Variants in ADAR observed in about 807,000 individuals in gnomAD.
ADAR encodes double-stranded RNA-specific adenosine deaminase.
In ADAR, 41 loss-of-function variants were observed where a neutral mutation model predicts 113.2. The ratio of observed to expected loss-of-function variants is 0.36; its 90% CI spans 0.28 to 0.47. The LOEUF (loss-of-function observed/expected upper bound fraction) is 0.47. Ranked by LOEUF, ADAR falls within the 20% of genes least tolerant of loss-of-function variation. The pLI is 1.00. For synonymous variants in ADAR, 605 were observed against 572.6 expected (o/e 1.06, Z -0.81); for missense variants, 1,242 against 1,540.9 (o/e 0.81, Z 3.25).
intron 12 of ADAR, 152 bp downstream of exon 12, chr1:154,586,029 A>G: frequency 8.3e-7 from 1 of 1,211,020 alleles, no homozygotes; most frequent in South Asian, 1.3e-5. Flanking sequence ...GGATCTTCCT[A>G]CCACAGCAGA....
At position 154,616,334 on chromosome 1, in the gene ADAR, T is replaced by C. The variant is rs181991032; in HGVS notation, c.-871+11521A>G. ...GATGGCTCCAAAGCCTTACGTGGCC[T>C]AGCCCTGCCATCCTTCTCCCTTCTG... On this transcript the variant is annotated intron_variant, in intron 1 of 14. Coordinates refer to the ADAR transcript ENST00000368471. Among the ~76,000 whole-genome samples, 501 of 152,332 alleles carry C rather than the reference T, an allele frequency of 3.3e-3. 1 individual carries two copies. The highest frequency in any genetic ancestry group is 0.011 in the African/African-American group (464 of 41,572).
At chr1:154,598,044 G>T in intron 3 of ADAR, 68 bp from the exon 4 acceptor site, 2 of 1,539,168 alleles carry the variant, frequency 1.3e-6, no homozygotes, top group Non-Finnish European at 1.8e-6. Flanking sequence ...CACAGAAGAA[G>T]GGATGGGGAT....
In ADAR at chr1:154,602,065, G is replaced by T. The variant is rs145588689; in HGVS notation, c.577C>A (p.Pro193Thr). ...GTGGAGACCGCGATTTTCCACAAAG[G>T]GGGTGTTCCTGCCTCTTTCTGTAGC... is the stretch of plus-strand genomic sequence containing the variant. ...GKLQKEAGTP[P>T]LWKIAVSTQA... Residue 193 changes from proline (P) to threonine (T), a missense_variant, in exon 2 of 15, where the codon CCT becomes ACT. This residue lies in a region of ADAR where 462 missense variants were observed against 483.1 expected (regional missense o/e 0.96). Coordinates refer to ENST00000368474, the MANE Select transcript of ADAR (RefSeq NM_001111.5). 3 of 1,614,058 alleles carry T rather than the reference G, an allele frequency of 1.9e-6. No homozygotes were observed. Among genetic ancestry groups the T allele is most frequent in the Non-Finnish European group, 2.5e-6 (3 of 1,180,024 alleles).
intron 2 of ADAR, chr1:154,600,580 TCTC>T (rs538304104): frequency 4.1e-5 from 9 of 217,152 alleles, no homozygotes; most frequent in African/African-American, 1.6e-4. Flanking sequence ...TTCAAGTGAT[TCTC>T]CTGTCTCAGC....
chr1:154,595,683 G>C (rs1012731473), intron 6 of ADAR, among the ~76,000 whole-genome samples: 7 of 152,022 alleles, frequency 4.6e-5, no homozygotes, highest in African/African-American at 1.7e-4. Context: ...AAGTAAAAAA[G>C]TTACAGTAAG....
chr1:154,587,609 C>T (rs766824781), intron 11 of ADAR, among the ~76,000 whole-genome samples: 104 of 152,178 alleles, frequency 6.8e-4, no homozygotes, highest in African/African-American at 2.3e-3. Context: ...GTGGCCTGAA[C>T]GCAATGGAGT....
chr1:154,590,470 G>C, intron 6 of ADAR, 61 bp from the exon 7 acceptor site: 2 of 1,551,784 alleles, frequency 1.3e-6, no homozygotes, highest in African/African-American at 1.4e-5. Context: ...TTCCAAGGAA[G>C]GGTTAGTTTT....
chr1:154,610,576 C>A (rs1453286982), upstream of ADAR, among the ~76,000 whole-genome samples: 1 of 151,952 alleles, frequency 6.6e-6, no homozygotes. Context: ...TTTGGGAGGC[C>A]GAGGTGGGCG....
chr1:154,601,618 C>A lies in ADAR; in HGVS notation c.1024G>T (p.Asp342Tyr), dbSNP rs750785381. 1.9e-6 allele frequency: 3 copies of A among 1,613,216 alleles called. No individual in the cohort carries two copies. In the Admixed American group the frequency reaches 5.0e-5, roughly 27 times the overall value. ...AVLIDMERQGDVYRQGTTPPI... is the reference protein window; with the variant it reads ...AVLIDMERQGYVYRQGTTPPI... Reference sequence around the variant, plus strand: ...GGGGTTGTCCCTTGTCTATAGACATCCCCCTGCCTTTCCATGTCAATTAGC... The same window carrying A: ...GGGGTTGTCCCTTGTCTATAGACATACCCCTGCCTTTCCATGTCAATTAGC... The change falls in exon 2 of 15, where the codon GAT becomes TAT. Residue 342 changes from aspartate to tyrosine, a missense_variant. Physicochemically the swap from Asp to Tyr is radical, Grantham distance 160. Around this residue, in one of 2 missense-constraint regions of ADAR, gnomAD observed 462 missense variants for 483.1 expected, o/e 0.96. Coordinates refer to ENST00000368474, the MANE Select transcript of ADAR (RefSeq NM_001111.5). This position sits in a 1 kb window ranked among gnomAD's most constrained non-coding sequence, Gnocchi z 4.7.
At chr1:154,606,118 T>C (rs1557893933) in intron 1 of ADAR, 1 of 191,634 alleles carries the variant, frequency 5.2e-6, no homozygotes, top group African/African-American at 2.4e-5. Context: ...CTCAGCTCAC[T>C]GCAATCTCCG....
At chr1:154,585,165 T>C in intron 14 of ADAR, 52 bp downstream of exon 14, 1 of 1,614,066 alleles carries the variant, frequency 6.2e-7, no homozygotes, top group Non-Finnish European at 8.5e-7. Context: ...TGATGCACCC[T>C]TGCAAGTCAG....
intron 6 of ADAR, among the ~76,000 whole-genome samples, chr1:154,594,188 A>G (rs1697345996): frequency 6.6e-6 from 1 of 152,124 alleles, no homozygotes; most frequent in Non-Finnish European, 1.5e-5. Flanking sequence ...GGCTGACATT[A>G]CTTCTATTAA....
intron 1 of ADAR, among the ~76,000 whole-genome samples, chr1:154,621,969 C>T (rs190716340): frequency 5.3e-5 from 8 of 152,144 alleles, no homozygotes; most frequent in Admixed American, 3.3e-4. Flanking sequence ...TCCCTTTCTT[C>T]ATGTGTTGAG....
intron 1 of ADAR, among the ~76,000 whole-genome samples, chr1:154,622,770 C>T (rs897086831): frequency 6.6e-6 from 1 of 152,206 alleles, no homozygotes; most frequent in Admixed American, 6.5e-5. Context: ...GAATGTTCAT[C>T]AACATAATGC....
At chr1:154,593,430 C>T (rs1450530834) in intron 6 of ADAR, among the ~76,000 whole-genome samples, 1 of 152,188 alleles carries the variant, frequency 6.6e-6, no homozygotes. Context: ...ATGTCTGCTA[C>T]ACACTCAGGG....
At chr1:154,621,540 A>G (rs967214688) in intron 1 of ADAR, among the ~76,000 whole-genome samples, 3 of 152,348 alleles carry the variant, frequency 2.0e-5, no homozygotes, top group East Asian at 3.8e-4. Flanking sequence ...CTTAAACACA[A>G]TAAGTGAATA....
chr1:154,600,018 C>A (rs1211452885), intron 2 of ADAR, among the ~76,000 whole-genome samples: 6 of 152,176 alleles, frequency 3.9e-5, no homozygotes, highest in Non-Finnish European at 7.4e-5. Context: ...ATGCAGCCTG[C>A]CCCAACCCAC....
rs912226795 is a variant in ADAR, at chr1:154,606,029, G to A, written c.15+1963C>T. On this transcript the variant is annotated intron_variant, in intron 1 of 14. Transcript: ENST00000368474. ...ACGGTTATTTTTTTTCTTGTGAGAC[G>A]GAGTCTCGCTCTGTTGCCAAGCTGG... 15 of 848,630 alleles carry A rather than the reference G, an allele frequency of 1.8e-5. No homozygotes were observed. In the Admixed American group the frequency reaches 2.5e-4, roughly 14 times the overall value. 52.6% of individuals were successfully genotyped at this position (848,630 alleles called of 1,614,324 possible).
chr1:154,605,143 T>C (rs1698109056), intron 1 of ADAR, among the ~76,000 whole-genome samples: 1 of 152,214 alleles, frequency 6.6e-6, no homozygotes, highest in Non-Finnish European at 1.5e-5. Context: ...GCCACCTCTG[T>C]ACTGTGTCTT....
Sources: allele counts gnomAD v4.1 joint callset (sites outside exome capture counted in the v4.1 genomes callset), GRCh38; gene constraint gnomAD v4.1.1; regional missense constraint gnomAD v4.1.1; non-coding constraint Gnocchi (gnomAD v3.1); transcripts MANE v1.5; gene names NCBI Gene and HGNC (gene_info 2026-07-23, HGNC 2026-07-21).